Variants in TNR observed in about 807,000 individuals in gnomAD.
TNR encodes the protein tenascin R.
A neutral mutation model predicts 150.4 loss-of-function variants in TNR; 45 were observed. The ratio of observed to expected loss-of-function variants is 0.30; its 90% CI spans 0.24 to 0.38. The LOEUF (loss-of-function observed/expected upper bound fraction) is 0.38. Ranked by LOEUF, TNR falls within the 10% of genes least tolerant of loss-of-function variation. The pLI is 1.00. For missense variants in TNR, 1,544 were observed against 1,759.1 expected (o/e 0.88, Z 2.19); for synonymous variants, 687 against 678.4 (o/e 1.01, Z -0.20).
intron 1 of TNR, among the ~76,000 whole-genome samples, chr1:175,601,378 G>T (rs780582956): frequency 2.0e-5 from 3 of 152,194 alleles, no homozygotes; most frequent in African/African-American, 7.2e-5. Flanking sequence ...ATGTTTGCAT[G>T]TCTTTGGGGG....
chr1:175,519,681 G>A (rs936438626), intron 2 of TNR, among the ~76,000 whole-genome samples: 7 of 152,242 alleles, frequency 4.6e-5, no homozygotes, highest in Non-Finnish European at 8.8e-5. Context: ...GAGATAGGTT[G>A]CTCTACAGGG....
At chr1:175,643,780 A>G (rs961686168) in intron 1 of TNR, among the ~76,000 whole-genome samples, 5 of 152,234 alleles carry the variant, frequency 3.3e-5, no homozygotes, top group African/African-American at 7.2e-5. Flanking sequence ...ATTCAGCAAT[A>G]CACAGGCGAT....
At chr1:175,449,561 A>G (rs1293302013) in intron 2 of TNR, among the ~76,000 whole-genome samples, 10 of 152,186 alleles carry the variant, frequency 6.6e-5, no homozygotes, top group Non-Finnish European at 1.3e-4. Context: ...AGTCCTGAAG[A>G]CTAGATATTC....
intron 1 of TNR, among the ~76,000 whole-genome samples, chr1:175,615,102 A>G (rs1663728139): frequency 6.6e-6 from 1 of 152,216 alleles, no homozygotes; most frequent in Admixed American, 6.5e-5. Flanking sequence ...ATTAGTGGAG[A>G]TAAATCGAGG....
At chr1:175,673,551 T>C (rs1665767042) in intron 1 of TNR, among the ~76,000 whole-genome samples, 1 of 152,254 alleles carries the variant, frequency 6.6e-6, no homozygotes, top group Non-Finnish European at 1.5e-5. Flanking sequence ...TGTGAGCTCA[T>C]TCATTTAGTC....
At chr1:175,341,563 G>A (rs889069098) in intron 18 of TNR, among the ~76,000 whole-genome samples, 8 of 152,322 alleles carry the variant, frequency 5.3e-5, no homozygotes, top group Non-Finnish European at 2.9e-5. Context: ...TACATGACAC[G>A]CAGTGCAGTC....
chr1:175,366,704 G>A (rs1399006724), intron 10 of TNR, among the ~76,000 whole-genome samples: 2 of 152,208 alleles, frequency 1.3e-5, no homozygotes, highest in African/African-American at 2.4e-5. Context: ...AAATGACTTT[G>A]AAATTTACCC....
chr1:175,448,250 C>T (rs1017816951), intron 2 of TNR, among the ~76,000 whole-genome samples: 1 of 152,066 alleles, frequency 6.6e-6, no homozygotes, highest in Non-Finnish European at 1.5e-5. Flanking sequence ...TGGAGTCTTG[C>T]TCTGTCACCC....
rs749572126 is a variant in TNR, at chr1:175,379,636, C to T, written c.1879G>A (p.Val627Met). ...SEAEVQEYKV[V>M]YSTLAGEQYH... is the part of the protein sequence containing the mutation. ...TGCTCACCCGCCAGGGTGCTGTACA[C>T]AACCTTGTACTCCTGAACTTCGGCT... The change falls in exon 9 of 23, where the codon GTG becomes ATG. Residue 627 changes from valine to methionine, a missense_variant. By Grantham distance (21) the Val-to-Met change is conservative (BLOSUM62 1). This residue lies in a region of TNR where 1,254 missense variants were observed against 1,329.4 expected (regional missense o/e 0.94). Transcript: ENST00000367674. The T allele has an allele frequency of 1.9e-6, 3 of 1,614,110 alleles. No homozygotes were observed. The highest frequency in any genetic ancestry group is 3.3e-5 in the Admixed American group (2 of 60,016).
At chr1:175,377,650 T>C (rs1390804785) in intron 9 of TNR, among the ~76,000 whole-genome samples, 2 of 152,102 alleles carry the variant, frequency 1.3e-5, no homozygotes, top group Non-Finnish European at 2.9e-5. Context: ...ATTTATTATA[T>C]TTACTTTAAC....
At chr1:175,591,572 G>A (rs1280533810) in intron 1 of TNR, among the ~76,000 whole-genome samples, 1 of 152,230 alleles carries the variant, frequency 6.6e-6, no homozygotes, top group African/African-American at 2.4e-5. Context: ...TGCAAGGACA[G>A]TGTGGGGTGG....
rs573439194 is a variant in TNR, at chr1:175,317,337, G to C, written c.*6020C>G. ...ACTTTCTTGCCCTTGGTTTCCTTGA[G>C]AGGAAATAAAATGAGAGGATTATAT... On this transcript the variant is annotated 3_prime_UTR_variant, in exon 23 of 23. Transcript: ENST00000367674. 3 of 152,322 alleles carry C rather than the reference G, an allele frequency of 2.0e-5. No homozygotes were observed. Among genetic ancestry groups the C allele is most frequent in the Admixed American group, 6.5e-5 (1 of 15,284 alleles). 9.4% of individuals were successfully genotyped at this position (152,322 alleles called of 1,614,324 possible).
chr1:175,540,547 C>A (rs1322607195), intron 1 of TNR, among the ~76,000 whole-genome samples: 1 of 152,178 alleles, frequency 6.6e-6, no homozygotes, highest in East Asian at 1.9e-4. Flanking sequence ...TACAGATAGC[C>A]CTGGCCTACA....
intron 1 of TNR, among the ~76,000 whole-genome samples, chr1:175,585,178 A>C (rs1380094733): frequency 6.6e-6 from 1 of 152,238 alleles, no homozygotes; most frequent in Admixed American, 6.5e-5. Flanking sequence ...GCAGTTATCT[A>C]TATTTGATGG....
intron 1 of TNR, among the ~76,000 whole-genome samples, chr1:175,532,108 A>T (rs969685722): frequency 6.6e-6 from 1 of 152,246 alleles, no homozygotes; most frequent in Admixed American, 6.5e-5. Context: ...TCTTTTTGAC[A>T]TCCAGTATAA....
chr1:175,558,780 A>G (rs747418817), intron 1 of TNR, among the ~76,000 whole-genome samples: 3 of 152,118 alleles, frequency 2.0e-5, no homozygotes, highest in Admixed American at 6.5e-5. Context: ...CTCAGTATGG[A>G]GAGGGATGAG....
chr1:175,462,972 C>T (rs576276497), intron 2 of TNR, among the ~76,000 whole-genome samples: 1 of 152,122 alleles, frequency 6.6e-6, no homozygotes, highest in Non-Finnish European at 1.5e-5. Context: ...AGCGAGAGAG[C>T]GTGTTTTAGA....
chr1:175,650,901 T>C (rs1286230295), intron 1 of TNR, among the ~76,000 whole-genome samples: 50 of 9,762 alleles, frequency 5.1e-3, no homozygotes, highest in East Asian at 0.016. Flanking sequence ...ACTACCCCTC[T>C]CCCACCTCAT....
At position 175,363,723 on chromosome 1, in the gene TNR, A is replaced by G. The variant is rs376334872; in HGVS notation, c.2692T>C (p.Tyr898His). 9.2e-5 allele frequency: 148 copies of G among 1,613,624 alleles called. No individual in the cohort carries two copies. The highest frequency in any genetic ancestry group is 1.2e-4 in the Non-Finnish European group (140 of 1,179,810). The change falls in exon 13 of 23, where the codon TAT becomes CAT. Residue 898 changes from tyrosine (Y) to histidine (H), a missense_variant. By Grantham distance (83) the Tyr-to-His change is moderately conservative. Around this residue, in one of 2 missense-constraint regions of TNR, gnomAD observed 1,254 missense variants for 1,329.4 expected, o/e 0.94. Transcript: ENST00000367674. ...VASFDYYRVS[Y>H]RPTQVGRLDS... ...ACTTTGTTACCTTGGGTGGGTCGAT[A>G]TGATACTCGGTAGTAATCGAAAGAT...
Sources: allele counts gnomAD v4.1 joint callset (sites outside exome capture counted in the v4.1 genomes callset), GRCh38; gene constraint gnomAD v4.1.1; regional missense constraint gnomAD v4.1.1; transcripts MANE v1.5; gene names NCBI Gene and HGNC (gene_info 2026-07-23, HGNC 2026-07-21).